The following ZNF484 variants were observed in gnomAD, a reference collection of about 807,000 sequenced individuals.
ZNF484 encodes zinc finger protein 484.
Under a neutral mutation model 12.9 loss-of-function variants are expected in ZNF484, and 11 were observed. The ratio of observed to expected loss-of-function variants is 0.85; its 90% CI spans 0.54 to 1.41. ZNF484 has a LOEUF of 1.41. Ranked by LOEUF, ZNF484 falls within the 40% of genes most tolerant of loss-of-function variation. ZNF484 has a pLI of 0.00. For missense variants in ZNF484, 807 were observed against 1,007.7 expected, an observed-to-expected ratio of 0.80 and a Z score of 2.70; for synonymous variants, 289 against 334.1, an observed-to-expected ratio of 0.86 and a Z score of 1.47.
intron 4 of ZNF484, among the ~76,000 whole-genome samples, chr9:92,851,140 T>C (rs971212718): frequency 6.6e-6 from 1 of 152,196 alleles, no homozygotes; most frequent in Admixed American, 6.5e-5. Context: ...TCAGTGGAAG[T>C]GATAAGGCCA....
intron 2 of ZNF484, among the ~76,000 whole-genome samples, chr9:92,868,878 T>A (rs996755515): frequency 4.6e-5 from 7 of 152,206 alleles, no homozygotes; most frequent in African/African-American, 1.7e-4. Flanking sequence ...CTTTTATTTT[T>A]AAAATTTCTT....
At chr9:92,856,009 C>A in intron 3 of ZNF484, 106 bp from the exon 4 acceptor site, 7 of 1,408,772 alleles carry the variant, frequency 5.0e-6, no homozygotes, top group South Asian at 1.3e-5. Flanking sequence ...ATTCACACTA[C>A]CCGAAAGAGA....
Position 92,848,497 on chromosome 9 carries a change from A to G in ZNF484, c.290T>C (p.Phe97Ser), listed in dbSNP as rs1855846838. 6.2e-7 allele frequency: 1 copy of G among 1,611,268 alleles called. No homozygotes were observed. Among genetic ancestry groups the G allele is most frequent in the Non-Finnish European group, 8.5e-7 (1 of 1,179,490 alleles). Residue 97 changes from phenylalanine (F) to serine (S), a missense_variant, in exon 5 of 5, where the codon TTC becomes TCC. Physicochemically the swap from Phe to Ser is radical, Grantham distance 155 (BLOSUM62 -2). Coordinates refer to ENST00000375495, the MANE Select transcript of ZNF484 (RefSeq NM_031486.4). This position sits in a 1 kb window ranked among gnomAD's most constrained non-coding sequence, Gnocchi z 4.1. Reference protein sequence around the residue: ...LQQRMSEEVSFQSEININLFT... With the variant: ...LQQRMSEEVSSQSEININLFT... ...GAGATTAATATTAATCTCAGACTGG[A>G]AAGAAACTTCTTCAGACATCCTCTG...
chr9:92,866,674 A>G (rs907091866), intron 2 of ZNF484, among the ~76,000 whole-genome samples: 1 of 152,214 alleles, frequency 6.6e-6, no homozygotes, highest in Non-Finnish European at 1.5e-5. Flanking sequence ...TCATTCTACT[A>G]TAAAGACACA....
intron 4 of ZNF484, among the ~76,000 whole-genome samples, chr9:92,854,435 C>T (rs888156374): frequency 3.5e-4 from 54 of 152,154 alleles, no homozygotes; most frequent in African/African-American, 1.2e-3. Flanking sequence ...TTCTCATTTC[C>T]GGCTGGGCGT....
Position 92,848,550 on chromosome 9 carries a change from A to G in ZNF484, c.237T>C (p.Asp79=). Residue 79 remains aspartate (D), a splice_region_variant and synonymous_variant, in exon 5 of 5, where the codon GAT becomes GAC. Transcript: ENST00000375495. This position sits in a 1 kb window ranked among gnomAD's most constrained non-coding sequence, Gnocchi z 4.1. The stretch of plus-strand genomic sequence containing the variant: ...GTAAAGGTCCAAAACCAATGTCCCC[A>G]TCTAAAAAAGAAAGAAAAGATAAGA... ...DGEIPSQSRP[D]GDIGFGPLQQ... The G allele has an allele frequency of 6.4e-7, 1 of 1,566,856 alleles. No homozygotes were observed. The highest frequency in any genetic ancestry group is 1.7e-4 in the Middle Eastern group (1 of 5,836).
chr9:92,860,704 A>G (rs1021365978), intron 2 of ZNF484, among the ~76,000 whole-genome samples: 5 of 152,008 alleles, frequency 3.3e-5, no homozygotes, highest in Admixed American at 6.6e-5. Context: ...TTCACAAACA[A>G]TGTGACTCCA....
intron 2 of ZNF484, 76 bp from the exon 3 acceptor site, chr9:92,856,394 A>G (rs1856462252): frequency 8.1e-7 from 1 of 1,229,024 alleles, no homozygotes; most frequent in Non-Finnish European, 1.1e-6. Flanking sequence ...AAACCTTTCA[A>G]TGTGAAGGAT....
chr9:92,867,140 G>A (rs1477031485), intron 2 of ZNF484, among the ~76,000 whole-genome samples: 2 of 152,094 alleles, frequency 1.3e-5, no homozygotes, highest in African/African-American at 4.8e-5. Context: ...ACCTGAGGTC[G>A]GGAGTTCGAG....
At chr9:92,863,388 C>G (rs933404733) in intron 2 of ZNF484, among the ~76,000 whole-genome samples, 11 of 152,018 alleles carry the variant, frequency 7.2e-5, no homozygotes, top group African/African-American at 2.7e-4. Flanking sequence ...ATGCAACAAA[C>G]CTGCACATCC....
intron 3 of ZNF484, 122 bp downstream of exon 3, chr9:92,856,070 T>C: frequency 1.4e-6 from 2 of 1,411,122 alleles, no homozygotes; most frequent in South Asian, 2.6e-5. Flanking sequence ...ACACTTTAGA[T>C]GTCCTGCAGT....
chr9:92,863,506 T>C (rs1165960136), intron 2 of ZNF484, among the ~76,000 whole-genome samples: 1 of 152,150 alleles, frequency 6.6e-6, no homozygotes, highest in East Asian at 1.9e-4. Context: ...CAATATTTCA[T>C]GTGAAAGAAT....
chr9:92,848,246 A>G lies in ZNF484; in HGVS notation c.541T>C (p.Cys181Arg). The change falls in exon 5 of 5, where the codon TGT becomes CGT. Residue 181 changes from cysteine to arginine, a missense_variant. Physicochemically the swap from Cys to Arg is radical, Grantham distance 180. Coordinates refer to ENST00000375495, the MANE Select transcript of ZNF484 (RefSeq NM_031486.4). The surrounding 1 kb of genome is among the most constrained non-coding windows in gnomAD (Gnocchi z 4.1). ...SRKRPHNCNS[C>R]GKNLEPIITL... ...ATGATAGGCTCCAAATTCTTTCCAC[A>G]CGAGTTACAGTTATGGGGTCTTTTT... is the stretch of plus-strand genomic sequence containing the variant. 1 of 1,614,124 alleles carries G rather than the reference A, an allele frequency of 6.2e-7. No homozygotes were observed. Among genetic ancestry groups the G allele is most frequent in the Non-Finnish European group, 8.5e-7 (1 of 1,180,024 alleles).
At chr9:92,862,745 A>G (rs1325869909) in intron 2 of ZNF484, among the ~76,000 whole-genome samples, 1 of 152,132 alleles carries the variant, frequency 6.6e-6, no homozygotes, top group African/African-American at 2.4e-5. Flanking sequence ...AGATTATTAG[A>G]TTTATGTTTA....
At chr9:92,849,448 A>G (rs1855925135) in intron 4 of ZNF484, among the ~76,000 whole-genome samples, 1 of 152,036 alleles carries the variant, frequency 6.6e-6, no homozygotes, top group African/African-American at 2.4e-5. Context: ...ATGATAAACA[A>G]TATCATTTAG....
rs1249672067 is a variant in ZNF484, at chr9:92,846,682, G to A, written c.2105C>T (p.Ala702Val). The change falls in exon 5 of 5, where the codon GCA (alanine) becomes GTA (valine). Residue 702 changes from alanine to valine, a missense_variant. Coordinates refer to ENST00000375495, the MANE Select transcript of ZNF484 (RefSeq NM_031486.4). The stretch of plus-strand genomic sequence containing the variant: ...ATGCATAATTAGTGTTGATTTTCTT[G>A]CAAAGGCTTTCCCACATTCACTGCA... ...YECSECGKAF[A>V]RKSTLIMHQR... The A allele has an allele frequency of 1.2e-6, 2 of 1,613,908 alleles. No individual in the cohort carries two copies. Among genetic ancestry groups the A allele is most frequent in the Admixed American group, 1.7e-5 (1 of 60,022 alleles).
chr9:92,851,294 C>A (rs757659164), intron 4 of ZNF484, among the ~76,000 whole-genome samples: 15 of 152,198 alleles, frequency 9.9e-5, no homozygotes, highest in Non-Finnish European at 2.2e-4. Context: ...CAAATCCAGG[C>A]CTCTATCCAA....
chr9:92,874,318 T>C (rs76704448), intron 2 of ZNF484, among the ~76,000 whole-genome samples: 1 of 137,282 alleles, frequency 7.3e-6, no homozygotes, highest in African/African-American at 2.8e-5. Context: ...TTCTTTTTTT[T>C]TTTTTTTTTT....
At chr9:92,874,376 A>G (rs1434262812) in intron 2 of ZNF484, among the ~76,000 whole-genome samples, 3 of 150,696 alleles carry the variant, frequency 2.0e-5, no homozygotes, top group Non-Finnish European at 4.4e-5. Flanking sequence ...CAAAGGCGCA[A>G]TCTCGGCTTA....
Sources: gnomAD v4.1 joint callset for allele counts (sites outside exome capture counted in the v4.1 genomes callset) on GRCh38, gnomAD v4.1.1 for gene constraint, Gnocchi (gnomAD v3.1) non-coding constraint, MANE v1.5 for transcripts, NCBI Gene and HGNC (gene_info 2026-07-23, HGNC 2026-07-21) for gene names.